The following LNX1 variants were observed in gnomAD, a reference collection of about 807,000 sequenced individuals.
The protein encoded by LNX1 is ligand of numb-protein X 1.
A neutral mutation model predicts 68.4 loss-of-function variants in LNX1; 54 were observed. The ratio of observed to expected loss-of-function variants is 0.79; its 90% CI spans 0.63 to 0.99. LNX1 has a LOEUF of 0.99. Ranked by LOEUF, LNX1 falls within the 50% of genes least tolerant of loss-of-function variation. The pLI is 0.00. For synonymous variants in LNX1, 336 were observed against 350.0 expected, an observed-to-expected ratio of 0.96 and a Z score of 0.45; for missense variants, 906 against 926.4, an observed-to-expected ratio of 0.98 and a Z score of 0.29.
Position 53,507,325 on chromosome 4 carries a change from G to A in LNX1, c.767C>T (p.Ala256Val), listed in dbSNP as rs776152363. The change falls in exon 4 of 11, where the codon GCC (alanine) becomes GTC (valine). Residue 256 changes from alanine to valine, a missense_variant. Coordinates refer to ENST00000263925, the MANE Select transcript of LNX1 (RefSeq NM_001126328.3). ...ATGGGGAGTTCATTTACCTTCAGGG[G>A]CAGTGGTGTTTTCAGAATTTTCCCT... ...QGRENSENTT[A>V]PEVFPRLYHL... The A allele has an allele frequency of 1.2e-6, 2 of 1,614,076 alleles. No individual in the cohort carries two copies. Among genetic ancestry groups the A allele is most frequent in the Non-Finnish European group, 1.7e-6 (2 of 1,179,998 alleles).
intron 2 of LNX1, among the ~76,000 whole-genome samples, chr4:53,541,080 T>C (rs1728728734): frequency 7.0e-6 from 1 of 143,452 alleles, no homozygotes; most frequent in Non-Finnish European, 1.5e-5. Context: ...GAGCTTGCAG[T>C]GAGCCGAGAC....
intron 1 of LNX1, among the ~76,000 whole-genome samples, chr4:53,646,181 G>A (rs1452307668): frequency 6.6e-6 from 1 of 152,054 alleles, no homozygotes; most frequent in African/African-American, 2.4e-5. Context: ...CCTTGTTCTT[G>A]ATTTAAATTC....
chr4:53,528,393 ATTCAC>A (rs756869870), intron 2 of LNX1, among the ~76,000 whole-genome samples: 50 of 152,322 alleles, frequency 3.3e-4, no homozygotes, highest in Non-Finnish European at 5.4e-4. Flanking sequence ...TAGCTATGTC[ATTCAC>A]TTCACTTCAT....
At chr4:53,588,566 A>C (rs1278923709) in intron 1 of LNX1, among the ~76,000 whole-genome samples, 1 of 152,102 alleles carries the variant, frequency 6.6e-6, no homozygotes, top group Non-Finnish European at 1.5e-5. Context: ...GATATTTTCT[A>C]GTGAGGCACT....
At chr4:53,595,975 A>AG (rs35990885), upstream of LNX1, among the ~76,000 whole-genome samples, 122,185 of 152,066 alleles carry the variant, frequency 0.8, 49,428 homozygotes, top group South Asian at 0.91. Context: ...CTCTACAAAA[A>AG]CCTCTTTGGC....
intron 1 of LNX1, among the ~76,000 whole-genome samples, chr4:53,631,106 G>A (rs1734252958): frequency 2.0e-5 from 3 of 152,170 alleles, no homozygotes; most frequent in Non-Finnish European, 4.4e-5. Context: ...GTGAGGGATA[G>A]AGGAGGAGGA....
intron 2 of LNX1, chr4:53,558,063 A>T: frequency 6.4e-7 from 1 of 1,554,142 alleles, no homozygotes; most frequent in Non-Finnish European, 8.7e-7. Context: ...CCATGCCCCC[A>T]CAATCAGTAG....
At chr4:53,554,097 G>A (rs371505959) in intron 2 of LNX1, among the ~76,000 whole-genome samples, 1 of 152,262 alleles carries the variant, frequency 6.6e-6, no homozygotes, top group Non-Finnish European at 1.5e-5. Flanking sequence ...ATGTTGCTAG[G>A]TGGAGACTGT....
At chr4:53,546,032 C>T (rs1215207107) in intron 2 of LNX1, among the ~76,000 whole-genome samples, 1 of 151,990 alleles carries the variant, frequency 6.6e-6, no homozygotes, top group Non-Finnish European at 1.5e-5. Context: ...GTCTCAAACT[C>T]CTGACCTCAA....
At chr4:53,575,235 G>C (rs190966649) in intron 1 of LNX1, among the ~76,000 whole-genome samples, 13 of 152,322 alleles carry the variant, frequency 8.5e-5, no homozygotes, top group African/African-American at 3.1e-4. Context: ...ACCTGCTTTG[G>C]CCTCCCAAAG....
At chr4:53,529,929 C>T (rs575269126) in intron 2 of LNX1, among the ~76,000 whole-genome samples, 79 of 142,758 alleles carry the variant, frequency 5.5e-4, no homozygotes, top group African/African-American at 1.8e-3. Flanking sequence ...ATGGGGCCTG[C>T]GGACAAAAAT....
intron 6 of LNX1, among the ~76,000 whole-genome samples, chr4:53,495,403 T>C (rs893614987): frequency 6.6e-6 from 1 of 152,194 alleles, no homozygotes; most frequent in African/African-American, 2.4e-5. Context: ...GCCTGAGTGA[T>C]CAAGAATTTG....
At chr4:53,582,525 G>A (rs1731899262) in intron 1 of LNX1, among the ~76,000 whole-genome samples, 1 of 152,130 alleles carries the variant, frequency 6.6e-6, no homozygotes, top group African/African-American at 2.4e-5. Context: ...ACAGTGTGAG[G>A]CTCTGCCCTA....
intron 2 of LNX1, among the ~76,000 whole-genome samples, chr4:53,564,793 T>A (rs1173597315): frequency 6.6e-6 from 1 of 152,196 alleles, no homozygotes; most frequent in Admixed American, 6.5e-5. Context: ...GCGCGCACCC[T>A]GCGCCAGCCG....
rs528867557 is a variant in LNX1 at position 53,520,715 on chromosome 4, A to G, written c.381-12488T>C. On this transcript the variant is annotated intron_variant, in intron 2 of 10. Coordinates refer to ENST00000263925, the MANE Select transcript of LNX1 (RefSeq NM_001126328.3). ...GGAGGCTCATGCCTGTAATCCCAAC[A>G]CTTTGGGAGGCTAAGGTGGGTGGAT... is the stretch of plus-strand genomic sequence containing the variant. Among the ~76,000 whole-genome samples the G allele has an allele frequency of 3.0e-3, 451 of 152,294 alleles. 2 individuals are homozygous for G. The highest frequency in any genetic ancestry group is 0.01 in the African/African-American group (434 of 41,564).
chr4:53,567,908 A>C lies in LNX1; in HGVS notation c.380+5715T>G, dbSNP rs548713916. Among the ~76,000 whole-genome samples, 472 of 152,116 alleles carry C rather than the reference A, an allele frequency of 3.1e-3. 2 individuals carry two copies. The highest frequency in any genetic ancestry group is 0.014 in the Middle Eastern group (4 of 294). On this transcript the variant is annotated intron_variant, in intron 2 of 10. Transcript: ENST00000263925. ...CTAGAAAATCTAGAAGAAATGGATA[A>C]ATTCCTTGACACATACACTCTCCCA...
chr4:53,536,027 C>T (rs1728348079), intron 2 of LNX1, among the ~76,000 whole-genome samples: 1 of 152,070 alleles, frequency 6.6e-6, no homozygotes, highest in Non-Finnish European at 1.5e-5. Context: ...ATTACTTGAC[C>T]CTGCCCCCAA....
intron 2 of LNX1, among the ~76,000 whole-genome samples, chr4:53,596,557 C>T (rs1732763822): frequency 1.3e-5 from 2 of 152,136 alleles, no homozygotes; most frequent in Non-Finnish European, 2.9e-5. Flanking sequence ...GATCTCCATT[C>T]TTGCATAAAC....
At chr4:53,611,528 T>C (rs902025746) in intron 2 of LNX1, among the ~76,000 whole-genome samples, 1 of 152,028 alleles carries the variant, frequency 6.6e-6, no homozygotes, top group Non-Finnish European at 1.5e-5. Flanking sequence ...TCAAAGAAAA[T>C]ACAAGTAATT....
Sources: gnomAD v4.1 joint callset for allele counts (sites outside exome capture counted in the v4.1 genomes callset) on GRCh38, gnomAD v4.1.1 for gene constraint, MANE v1.5 for transcripts, NCBI Gene and HGNC (gene_info 2026-07-23, HGNC 2026-07-21) for gene names.